Variants in CNDP1 observed in about 807,000 individuals in gnomAD.
The protein encoded by CNDP1 is beta-Ala-His dipeptidase.
Under a neutral mutation model 58.1 loss-of-function variants are expected in CNDP1, and 44 were observed. That is an observed-to-expected ratio of 0.76 (90% CI 0.60 to 0.97). The LOEUF is 0.97. Ranked by LOEUF, CNDP1 falls within the 50% of genes least tolerant of loss-of-function variation. CNDP1 has a pLI of 0.00. For missense variants in CNDP1, 616 were observed against 655.1 expected, an observed-to-expected ratio of 0.94 and a Z score of 0.65; for synonymous variants, 254 against 252.6, an observed-to-expected ratio of 1.01 and a Z score of -0.05.
At chr18:74,546,949 A>T (rs1980775102) in intron 1 of CNDP1, among the ~76,000 whole-genome samples, 1 of 152,042 alleles carries the variant, frequency 6.6e-6, no homozygotes, top group African/African-American at 2.4e-5. Flanking sequence ...TGATGGAGGG[A>T]CTCACAGTTC....
At chr18:74,567,560 C>A in intron 6 of CNDP1, 127 bp downstream of exon 6, 1 of 814,734 alleles carries the variant, frequency 1.2e-6, no homozygotes, top group Non-Finnish European at 2.0e-6. Context: ...ACCTGGGACA[C>A]ACGGCCTCAG....
chr18:74,562,267 C>A (rs190214371), intron 5 of CNDP1, 132 bp downstream of exon 5: 3 of 748,044 alleles, frequency 4.0e-6, no homozygotes, highest in Non-Finnish European at 7.0e-6. Context: ...GAGGTGTGTG[C>A]GACAATGGTA....
intron 1 of CNDP1, among the ~76,000 whole-genome samples, chr18:74,548,876 C>A (rs1980829202): frequency 6.6e-6 from 1 of 152,194 alleles, no homozygotes; most frequent in Non-Finnish European, 1.5e-5. Context: ...TGTGTTCATG[C>A]CCTAAGGATC....
At chr18:74,546,652 C>T (rs1354663591) in intron 1 of CNDP1, among the ~76,000 whole-genome samples, 1 of 152,150 alleles carries the variant, frequency 6.6e-6, no homozygotes, top group Non-Finnish European at 1.5e-5. Flanking sequence ...AGCTCTAGGC[C>T]AGCTCTCCCT....
chr18:74,572,790 C>CAAAAA (rs56059264), intron 7 of CNDP1, among the ~76,000 whole-genome samples: 36 of 59,970 alleles, frequency 6.0e-4, no homozygotes, highest in African/African-American at 1.4e-3. Context: ...GACCCTGTAT[C>CAAAAA]AAAAAAAAAA....
At chr18:74,563,399 C>T (rs1212016373) in intron 5 of CNDP1, among the ~76,000 whole-genome samples, 2 of 152,192 alleles carry the variant, frequency 1.3e-5, no homozygotes, top group East Asian at 3.9e-4. Context: ...CTCTATCTCT[C>T]CTTCTAAGGG....
rs575697188 is a variant in CNDP1 at position 74,578,166 on chromosome 18, G to C, written c.1006G>C (p.Glu336Gln). Residue 336 changes from glutamate (E) to glutamine (Q), a missense_variant, in exon 9 of 12, where the codon GAG (glutamate) becomes CAG (glutamine). By Grantham distance (29) the Glu-to-Gln change is conservative. Coordinates refer to ENST00000358821, the MANE Select transcript of CNDP1 (RefSeq NM_032649.6). The part of the protein sequence containing the change: ...VEKFLFDTKE[E>Q]ILMHLWRYPS... ...GGATAATTTTATTTTAATATAGGAGGAGATTCTAATGCACCTCTGGAGGTA... is the reference window on the plus strand; with the variant it reads ...GGATAATTTTATTTTAATATAGGAGCAGATTCTAATGCACCTCTGGAGGTA... The C allele has an allele frequency of 6.2e-7, 1 of 1,604,116 alleles. No homozygotes were observed. Among genetic ancestry groups the C allele is most frequent in the African/African-American group, 1.4e-5 (1 of 74,028 alleles).
intron 1 of CNDP1, among the ~76,000 whole-genome samples, chr18:74,551,681 G>C (rs1422250445): frequency 6.6e-6 from 1 of 152,156 alleles, no homozygotes; most frequent in African/African-American, 2.4e-5. Flanking sequence ...GGGCTAAGCT[G>C]CTCTCCCCAG....
rs73973908 is a variant in CNDP1 at position 74,571,237 on chromosome 18, C to A, written c.808C>A (p.His270Asn). Reference sequence around the variant, plus strand: ...CTCAGGAACCTTTGGTGGCATCCTTCATGAACCAATGGCTGATCTGGTTGC... The same window carrying A: ...CTCAGGAACCTTTGGTGGCATCCTTAATGAACCAATGGCTGATCTGGTTGC... ...FHSGTFGGIL[H>N]EPMADLVALL... The change falls in exon 7 of 12, where the codon CAT becomes AAT. Residue 270 changes from histidine (H) to asparagine (N), a missense_variant. Transcript: ENST00000358821. 0.15 allele frequency: 235,303 copies of A among 1,611,284 alleles called. 17,909 individuals are homozygous for A. The highest frequency in any genetic ancestry group is 0.2 in the African/African-American group (15,240 of 74,834).
At chr18:74,559,613 T>C (rs1263575232) in intron 3 of CNDP1, 141 bp downstream of exon 3, 3 of 714,982 alleles carry the variant, frequency 4.2e-6, no homozygotes, top group Non-Finnish European at 6.6e-6. Flanking sequence ...AGATGAAACA[T>C]TCCCCTGGTC....
At chr18:74,552,946 T>G (rs1980946925) in intron 1 of CNDP1, among the ~76,000 whole-genome samples, 1 of 152,224 alleles carries the variant, frequency 6.6e-6, no homozygotes. Flanking sequence ...CAAAACTCAT[T>G]AGTGTCTGGC....
chr18:74,555,378 C>T (rs749163146), intron 1 of CNDP1, among the ~76,000 whole-genome samples: 2 of 152,118 alleles, frequency 1.3e-5, no homozygotes, highest in African/African-American at 2.4e-5. Flanking sequence ...TCCCAGCCCT[C>T]GCTCCCTCCC....
chr18:74,558,480 C>A (rs9948919), intron 2 of CNDP1, among the ~76,000 whole-genome samples: 1 of 148,998 alleles, frequency 6.7e-6, no homozygotes, highest in Non-Finnish European at 1.5e-5. Context: ...CTGCAAGCTC[C>A]GCCTCCCAGG....
chr18:74,579,738 C>T (rs1981740409), intron 9 of CNDP1, among the ~76,000 whole-genome samples: 4 of 152,150 alleles, frequency 2.6e-5, no homozygotes, highest in African/African-American at 9.7e-5. Flanking sequence ...ACTGAGGAGT[C>T]CAAAAAGAGG....
chr18:74,567,373 C>A lies in CNDP1; in HGVS notation c.696C>A (p.Ile232=). ...TTGTAATTTCAGATAACCTGTGGAT[C>A]AGCCAAAGGAAGCCAGCAATCACTT... ...DYIVISDNLW[I]SQRKPAITYG... is the part of the protein sequence containing the mutation. Residue 232 remains isoleucine (I), a synonymous_variant, in exon 6 of 12, where the codon ATC becomes ATA. Transcript: ENST00000358821. 1 of 1,614,138 alleles carries A rather than the reference C, an allele frequency of 6.2e-7. No individual in the cohort carries two copies. The highest frequency in any genetic ancestry group is 8.5e-7 in the Non-Finnish European group (1 of 1,180,008).
chr18:74,535,106 G>C (rs1384824244), intron 1 of CNDP1, among the ~76,000 whole-genome samples: 1 of 152,154 alleles, frequency 6.6e-6, no homozygotes, highest in Admixed American at 6.5e-5. Flanking sequence ...GGGCTAGTTT[G>C]CAAGAGCTAA....
rs1413541985 is a variant in CNDP1, at chr18:74,562,094, G to T, written c.514G>T (p.Ala172Ser). Reference sequence around the variant, plus strand: ...GACCGACAACAAAGGCCCTGTCTTGGCTTGGATCAATGCTGTGAGCGCCTT... The same window carrying T: ...GACCGACAACAAAGGCCCTGTCTTGTCTTGGATCAATGCTGTGAGCGCCTT... ...GATDNKGPVL[A>S]WINAVSAFRA... The change falls in exon 5 of 12, where the codon GCT (alanine) becomes TCT (serine). Residue 172 changes from alanine (A) to serine (S), a missense_variant. Transcript: ENST00000358821. The T allele has an allele frequency of 6.2e-7, 1 of 1,613,994 alleles. No homozygotes were observed. The highest frequency in any genetic ancestry group is 1.3e-5 in the African/African-American group (1 of 74,922).
At chr18:74,544,026 C>T (rs2144641410) in intron 1 of CNDP1, among the ~76,000 whole-genome samples, 1 of 152,138 alleles carries the variant, frequency 6.6e-6, no homozygotes, top group East Asian at 1.9e-4. Context: ...ATCCAGGCTG[C>T]AGTGAGCTAT....
chr18:74,536,683 G>A (rs896896688), intron 1 of CNDP1, among the ~76,000 whole-genome samples: 3 of 152,148 alleles, frequency 2.0e-5, no homozygotes, highest in South Asian at 2.1e-4. Flanking sequence ...TGGGTCAAAC[G>A]GTAGTTCTGT....
Sources: allele counts gnomAD v4.1 joint callset (sites outside exome capture counted in the v4.1 genomes callset), GRCh38; gene constraint gnomAD v4.1.1; transcripts MANE v1.5; gene names NCBI Gene and HGNC (gene_info 2026-07-23, HGNC 2026-07-21).